The following KLF8 variants were observed in gnomAD, a reference collection of about 807,000 sequenced individuals.
The protein encoded by KLF8 is KLF transcription factor 8.
In KLF8, 10 loss-of-function variants were observed where a neutral mutation model predicts 18.2. That is an observed-to-expected ratio of 0.55 (90% CI 0.34 to 0.93). KLF8 has a LOEUF of 0.93. KLF8 is among the 40% of genes least tolerant of loss of function. The pLI, the probability that KLF8 is intolerant of heterozygous loss-of-function variation, is 0.02. For synonymous variants in KLF8, 109 were observed against 97.3 expected, an observed-to-expected ratio of 1.12 and a Z score of -0.71; for missense variants, 264 against 277.9, an observed-to-expected ratio of 0.95 and a Z score of 0.36.
intron 1 of KLF8, among the ~76,000 whole-genome samples, chrX:56,235,046 A>T (rs778768464): frequency 1.8e-5 from 2 of 111,254 alleles, no homozygotes; most frequent in Non-Finnish European, 3.8e-5. Context: ...ATTGGGAAAA[A>T]AATAACCATG....
the KLF8 span, among the ~76,000 whole-genome samples, chrX:56,174,491 G>C: frequency 8.9e-6 from 1 of 111,769 alleles, no homozygotes; most frequent in Non-Finnish European, 1.9e-5. Context: ...TGCTGGATTA[G>C]GTTTGCCAGT....
rs776120808 is a variant in KLF8 at position 56,289,997 on chromosome X, T to C, written c.*5503T>C. Among the ~76,000 whole-genome samples the C allele has an allele frequency of 8.9e-6, 1 of 111,754 alleles. No homozygotes were observed. Among genetic ancestry groups the C allele is most frequent in the South Asian group, 3.8e-4 (1 of 2,662 alleles). ...GGGAACTTACTGATGCTCCACAGTTTGCTAATTCTTGTATGAGGTACTGTA... is the reference window on the plus strand; with the variant it reads ...GGGAACTTACTGATGCTCCACAGTTCGCTAATTCTTGTATGAGGTACTGTA... On this transcript the variant is annotated 3_prime_UTR_variant, in exon 6 of 6. Coordinates refer to ENST00000468660, the MANE Select transcript of KLF8 (RefSeq NM_007250.5).
the KLF8 span, among the ~76,000 whole-genome samples, chrX:55,989,154 A>T: frequency 8.9e-6 from 1 of 111,830 alleles, no homozygotes; most frequent in Non-Finnish European, 1.9e-5. Context: ...GCAAACAGGG[A>T]CAATTTGACT....
the KLF8 span, among the ~76,000 whole-genome samples, chrX:55,967,683 C>T: frequency 5.9e-3 from 654 of 111,350 alleles, 10 homozygotes; most frequent in Middle Eastern, 9.3e-3. Flanking sequence ...ACAAAACTCA[C>T]GGGTAATAGT....
At chrX:56,091,675 A>G in the KLF8 span, among the ~76,000 whole-genome samples, 1 of 110,634 alleles carries the variant, frequency 9.0e-6, no homozygotes, top group Non-Finnish European at 1.9e-5. Context: ...TTGTATTTTT[A>G]GTAGAGAAAG....
the KLF8 span, among the ~76,000 whole-genome samples, chrX:56,018,760 A>G: frequency 0.089 from 9,874 of 110,727 alleles, 1,094 homozygotes; most frequent in African/African-American, 0.31. Context: ...TAGCAATTCT[A>G]TATGGTTACA....
At chrX:56,184,119 C>T in the KLF8 span, among the ~76,000 whole-genome samples, 2 of 112,332 alleles carry the variant, frequency 1.8e-5, no homozygotes, top group Admixed American at 9.4e-5. Flanking sequence ...CTTTCCTAGT[C>T]AAAGAAAGGG....
chrX:56,052,981 T>G, the KLF8 span, among the ~76,000 whole-genome samples: 1 of 111,949 alleles, frequency 8.9e-6, no homozygotes, highest in Non-Finnish European at 1.9e-5. Context: ...GGGCCGTTTT[T>G]TAAGCCCGTC....
the KLF8 span, among the ~76,000 whole-genome samples, chrX:56,034,400 T>A: frequency 8.9e-6 from 1 of 112,413 alleles, no homozygotes; most frequent in African/African-American, 3.2e-5. Context: ...AGTACCATGC[T>A]GTTTTAATGA....
upstream of KLF8, among the ~76,000 whole-genome samples, chrX:56,228,990 C>T (rs1017317472): frequency 1.8e-5 from 2 of 111,590 alleles, no homozygotes; most frequent in Admixed American, 9.5e-5. Context: ...CCTAACTCCC[C>T]TCCCATCTAC....
At chrX:56,198,149 A>G in the KLF8 span, among the ~76,000 whole-genome samples, 41 of 112,137 alleles carry the variant, frequency 3.7e-4, no homozygotes, top group South Asian at 1.8e-3. Context: ...ATGGACAAAA[A>G]CTGGAAGCAT....
At position 56,288,550 on chromosome X, in the gene KLF8, A is replaced by G. The variant is rs1012290413; in HGVS notation, c.*4056A>G. Reference sequence around the variant, plus strand: ...TCACTGCAATGAAGCAAATATTACAATAAAGCAAGTCACACAAATTTTTTG... The same window carrying G: ...TCACTGCAATGAAGCAAATATTACAGTAAAGCAAGTCACACAAATTTTTTG... On this transcript the variant is annotated 3_prime_UTR_variant, in exon 6 of 6. Coordinates refer to ENST00000468660, the MANE Select transcript of KLF8 (RefSeq NM_007250.5). Among the ~76,000 whole-genome samples the G allele has an allele frequency of 9.6e-6, 1 of 103,669 alleles. No individual in the cohort carries two copies. The highest frequency in any genetic ancestry group is 1.9e-5 in the Non-Finnish European group (1 of 52,890). The allele number at this position is 103,669 out of a possible 115,157, so 90.0% of individuals were successfully genotyped here. A position where few individuals can be genotyped will look rare whatever the true frequency, so the allele number is the denominator to read the frequency against.
At chrX:56,264,747 T>C (rs1054920806) in intron 2 of KLF8, among the ~76,000 whole-genome samples, 1 of 111,588 alleles carries the variant, frequency 9.0e-6, no homozygotes, top group Admixed American at 9.6e-5. Context: ...GTCATTCCCT[T>C]TTGTTTTTCT....
the KLF8 span, among the ~76,000 whole-genome samples, chrX:56,017,547 G>T: frequency 8.9e-6 from 1 of 112,200 alleles, no homozygotes; most frequent in African/African-American, 3.2e-5. Flanking sequence ...GTATGGAAAA[G>T]ATTGCTCTGC....
the KLF8 span, among the ~76,000 whole-genome samples, chrX:55,914,654 T>C: frequency 9.0e-6 from 1 of 110,926 alleles, no homozygotes; most frequent in African/African-American, 3.3e-5. Context: ...GAAGGATAAA[T>C]AGGAGTTTTC....
the KLF8 span, among the ~76,000 whole-genome samples, chrX:56,093,511 G>A: frequency 9.1e-6 from 1 of 110,359 alleles, no homozygotes; most frequent in Non-Finnish European, 1.9e-5. Flanking sequence ...AAAGACTGAG[G>A]AAATTTGATG....
intron 1 of KLF8, 42 bp downstream of exon 1, chrX:56,233,383 T>G (rs747984657): frequency 3.1e-6 from 3 of 974,596 alleles, no homozygotes; most frequent in Admixed American, 4.4e-5. Context: ...TCCCACCTCT[T>G]TCGTCTAGAT....
chrX:56,047,986 G>A, the KLF8 span, among the ~76,000 whole-genome samples: 1 of 111,901 alleles, frequency 8.9e-6, no homozygotes, highest in Non-Finnish European at 1.9e-5. Flanking sequence ...TATCTCACTT[G>A]TGGTTTTGAT....
the KLF8 span, among the ~76,000 whole-genome samples, chrX:56,179,287 C>T: frequency 2.7e-5 from 3 of 111,663 alleles, no homozygotes; most frequent in Non-Finnish European, 5.6e-5. Flanking sequence ...ATTTAGCTCT[C>T]TGTTTGTCTG....
Sources: gnomAD v4.1 joint callset for allele counts (sites outside exome capture counted in the v4.1 genomes callset) on GRCh38, gnomAD v4.1.1 for gene constraint, MANE v1.5 for transcripts, NCBI Gene and HGNC (gene_info 2026-07-23, HGNC 2026-07-21) for gene names.